TP73: variants seen among roughly 807,000 people sequenced by gnomAD.
TP73 encodes the protein p53-like transcription factor.
In TP73, 25 loss-of-function variants were observed where a neutral mutation model predicts 62.5. The ratio of observed to expected loss-of-function variants is 0.40; its 90% confidence interval spans 0.29 to 0.56. The LOEUF (loss-of-function observed/expected upper bound fraction) is 0.56, where lower values mean the gene tolerates loss of function less well. TP73 is among the 20% of genes least tolerant of loss of function. TP73 has a pLI of 0.46. For synonymous variants in TP73, 423 were observed against 377.5 expected (o/e 1.12, Z -1.40); for missense variants, 754 against 913.3 (o/e 0.83, Z 2.25).
rs779792003 is a variant in TP73 at position 3,683,081 on chromosome 1, C to T, written c.87C>T (p.Phe29=). Residue 29 remains phenylalanine, a synonymous_variant, in exon 3 of 14, where the codon TTC becomes TTT. Coordinates refer to ENST00000378295, the MANE Select transcript of TP73 (RefSeq NM_005427.4). ...CCAGGGAACCAGACAGCACCTACTTCGACCTTCCCCAGTCAAGCCGGGGGA... is the reference window on the plus strand; with the variant it reads ...CCAGGGAACCAGACAGCACCTACTTTGACCTTCCCCAGTCAAGCCGGGGGA... ...WSSLEPDSTY[F]DLPQSSRGNN... 3.1e-6 allele frequency: 5 copies of T among 1,610,630 alleles called. No individual in the cohort carries two copies. Among genetic ancestry groups the T allele is most frequent in the South Asian group, 2.2e-5 (2 of 90,932 alleles).
At chr1:3,723,137 GGGCACCTCTCTGTGCCT>G (rs1313634039) in intron 5 of TP73, among the ~76,000 whole-genome samples, 200 bp from the exon 6 acceptor site, 1 of 148,998 alleles carries the variant, frequency 6.7e-6, no homozygotes, top group Non-Finnish European at 1.5e-5. Context: ...GCACAGAGCT[GGGCACCTCTCTGTGCCT>G]GGCACGGGGC....
Position 3,666,822 on chromosome 1 carries a change from C to T in TP73, c.-34+14181C>T, listed in dbSNP as rs1228195851. The stretch of plus-strand genomic sequence containing the variant: ...CCCAGGGCGGCTTTCAGACTGACCC[C>T]CAAACAGAGGGCTCAGAAAAGATGT... On this transcript the variant is annotated intron_variant, in intron 1 of 13. Coordinates refer to ENST00000378295, the MANE Select transcript of TP73 (RefSeq NM_005427.4). The surrounding 1 kb of genome is among the most constrained non-coding windows in gnomAD (Gnocchi z 6.4). Among the ~76,000 whole-genome samples the T allele has an allele frequency of 6.6e-6, 1 of 152,094 alleles. No homozygotes were observed. The highest frequency in any genetic ancestry group is 1.9e-4 in the East Asian group (1 of 5,184).
intron 1 of TP73, among the ~76,000 whole-genome samples, chr1:3,657,634 TC>T (rs528982276): frequency 1.3e-5 from 2 of 152,286 alleles, no homozygotes; most frequent in East Asian, 3.9e-4. Context: ...CGTCTGAGAT[TC>T]CCCAGGCTGC....
intron 3 of TP73, among the ~76,000 whole-genome samples, chr1:3,705,160 C>A (rs1195979833): frequency 6.6e-6 from 1 of 152,262 alleles, no homozygotes; most frequent in African/African-American, 2.4e-5. Flanking sequence ...CCTCTGCCCC[C>A]CAGAATGCTG....
At position 3,670,669 on chromosome 1, in the gene TP73, AAAAAT is replaced by A. The variant is rs1177697155; in HGVS notation, c.-33-11649_-33-11645del. ...TGACAGAGCGAGACTCTATCTCAAAAAAAATAAAATAAAATAAAAAAGATAGGAAA... is the reference window on the plus strand; with the variant it reads ...TGACAGAGCGAGACTCTATCTCAAAAAAAATAAAATAAAAAAGATAGGAAA... On this transcript the variant is annotated intron_variant, in intron 1 of 13. Coordinates refer to ENST00000378295, the MANE Select transcript of TP73 (RefSeq NM_005427.4). This position sits in a 1 kb window ranked among gnomAD's most constrained non-coding sequence, Gnocchi z 5.9. Among the ~76,000 whole-genome samples, 1 of 152,182 alleles carries A rather than the reference AAAAAT, an allele frequency of 6.6e-6. No individual in the cohort carries two copies. The highest frequency in any genetic ancestry group is 1.5e-5 in the Non-Finnish European group (1 of 68,030).
chr1:3,698,194 G>A, intron 3 of TP73: 1 of 916,828 alleles, frequency 1.1e-6, no homozygotes, highest in East Asian at 1.2e-4. Context: ...ATGTGTGCAA[G>A]GACACAGGAT....
chr1:3,708,199 C>A (rs1247487387), intron 4 of TP73: 2 of 212,812 alleles, frequency 9.4e-6, no homozygotes, highest in African/African-American at 4.5e-5. Context: ...TCTGCAGAAC[C>A]TGCCTCCTCC....
chr1:3,685,509 G>A lies in TP73; in HGVS notation c.186+2329G>A, dbSNP rs181653328. Among the ~76,000 whole-genome samples the A allele has an allele frequency of 2.1e-3, 318 of 152,358 alleles. 2 individuals are homozygous for A. The highest frequency in any genetic ancestry group is 7.1e-3 in the African/African-American group (295 of 41,590). ...AGGCAGGCCCAGGCCTGCGTGGGGAGAGCCAAGCCTCATTCTGACCCCAGG... is the reference window on the plus strand; with the variant it reads ...AGGCAGGCCCAGGCCTGCGTGGGGAAAGCCAAGCCTCATTCTGACCCCAGG... On this transcript the variant is annotated intron_variant, in intron 3 of 13. Transcript: ENST00000378295.
Position 3,699,381 on chromosome 1 carries a change from C to T in TP73, c.187-8168C>T, listed in dbSNP as rs1041876357. 2.0e-5 allele frequency among the ~76,000 whole-genome samples: 3 copies of T among 152,156 alleles called. No individual in the cohort carries two copies. Among genetic ancestry groups the T allele is most frequent in the African/African-American group, 7.2e-5 (3 of 41,414 alleles). ...GCGGCATACTCTCAAAAAACCACAA[C>T]AGTCTGGTCTCAATATTCTCCAGGG... On this transcript the variant is annotated intron_variant, in intron 3 of 13. Coordinates refer to ENST00000378295, the MANE Select transcript of TP73 (RefSeq NM_005427.4). The surrounding 1 kb of genome is among the most constrained non-coding windows in gnomAD (Gnocchi z 4.1).
At chr1:3,703,509 C>T (rs1273317474) in intron 3 of TP73, among the ~76,000 whole-genome samples, 7 of 152,352 alleles carry the variant, frequency 4.6e-5, no homozygotes, top group South Asian at 2.1e-4. Flanking sequence ...GGCCGCCTGC[C>T]GCAAGGGCCT....
At chr1:3,700,758 G>C (rs1338646461) in intron 3 of TP73, among the ~76,000 whole-genome samples, 1 of 152,136 alleles carries the variant, frequency 6.6e-6, no homozygotes, top group Non-Finnish European at 1.5e-5. Context: ...TCCAGCCTGG[G>C]CGACACAGTG....
intron 3 of TP73, 73 bp from the exon 4 acceptor site, chr1:3,707,476 G>C (rs1018117598): frequency 1.3e-6 from 2 of 1,545,374 alleles, no homozygotes; most frequent in African/African-American, 2.7e-5. Context: ...TCCTGTAACA[G>C]GACACCTCCT....
At chr1:3,728,544 G>A (rs1001830021) in intron 9 of TP73, among the ~76,000 whole-genome samples, 2 of 152,222 alleles carry the variant, frequency 1.3e-5, no homozygotes, top group African/African-American at 4.8e-5. Context: ...GGACCCTAAC[G>A]TTGGCCAGGA....
rs1490373879 is a variant in TP73, at chr1:3,696,071, G to C, written c.187-11478G>C. Among the ~76,000 whole-genome samples the C allele has an allele frequency of 6.6e-6, 1 of 152,232 alleles. No individual in the cohort carries two copies. Among genetic ancestry groups the C allele is most frequent in the Non-Finnish European group, 1.5e-5 (1 of 68,040 alleles). ...TAGCTGAGAAGGAGCCGCATGCAGG[G>C]AGGAGGACGACGAGCGAGCAGTTCC... On this transcript the variant is annotated intron_variant, in intron 3 of 13. Coordinates refer to ENST00000378295, the MANE Select transcript of TP73 (RefSeq NM_005427.4). The surrounding 1 kb of genome is among the most constrained non-coding windows in gnomAD (Gnocchi z 4.1).
chr1:3,695,295 A>G (rs1570481853), intron 3 of TP73, among the ~76,000 whole-genome samples: 1 of 152,186 alleles, frequency 6.6e-6, no homozygotes, highest in East Asian at 1.9e-4. Flanking sequence ...TGTCCAGTTC[A>G]TGGCCCCTTG....
chr1:3,714,063 G>A (rs527536091), intron 4 of TP73: 1 of 152,310 alleles, frequency 6.6e-6, no homozygotes, highest in South Asian at 2.1e-4. Context: ...CTTGCACCTG[G>A]CGTTGGGGAG....
intron 4 of TP73, among the ~76,000 whole-genome samples, chr1:3,718,304 G>A (rs552171154): frequency 6.6e-6 from 1 of 152,326 alleles, no homozygotes; most frequent in African/African-American, 2.4e-5. Context: ...GTGCAGAGAC[G>A]GGAGCACGCA....
In TP73 at chr1:3,672,547, A is replaced by T. The variant is rs189016968; in HGVS notation, c.-33-9786A>T. ...CACCTGTGAACACAGGTATCGACTC[A>T]GACACCCACTCTGGCCATAAGCTCC... On this transcript the variant is annotated intron_variant, in intron 1 of 13. Coordinates refer to ENST00000378295, the MANE Select transcript of TP73 (RefSeq NM_005427.4). The surrounding 1 kb of genome is among the most constrained non-coding windows in gnomAD (Gnocchi z 5.3). 1.1e-4 allele frequency among the ~76,000 whole-genome samples: 16 copies of T among 152,150 alleles called. No homozygotes were observed. The highest frequency in any genetic ancestry group is 3.9e-4 in the African/African-American group (16 of 41,492).
intron 3 of TP73, among the ~76,000 whole-genome samples, chr1:3,684,701 A>G (rs567356228): frequency 2.2e-4 from 33 of 152,148 alleles, no homozygotes; most frequent in South Asian, 8.3e-4. Flanking sequence ...CGGGGGGTCA[A>G]TTCCTCCGAG....
Sources: allele counts gnomAD v4.1 joint callset (sites outside exome capture counted in the v4.1 genomes callset), GRCh38; gene constraint gnomAD v4.1.1; non-coding constraint Gnocchi (gnomAD v3.1); transcripts MANE v1.5; gene names NCBI Gene and HGNC (gene_info 2026-07-23, HGNC 2026-07-21).